Variants in NOL11 observed in about 807,000 individuals in gnomAD.
The protein encoded by NOL11 is nucleolar protein 11.
NOL11 carries 42 observed loss-of-function variants against 93.0 expected under a neutral mutation model. The ratio of observed to expected loss-of-function variants is 0.45; its 90% CI spans 0.35 to 0.58. NOL11 has a LOEUF of 0.58. Ranked by LOEUF, NOL11 falls within the 20% of genes least tolerant of loss-of-function variation. NOL11 has a pLI of 0.00. For missense variants in NOL11, 775 were observed against 841.8 expected, an observed-to-expected ratio of 0.92 and a Z score of 0.98; for synonymous variants, 296 against 293.7, an observed-to-expected ratio of 1.01 and a Z score of -0.08.
intron 7 of NOL11, among the ~76,000 whole-genome samples, chr17:67,731,278 T>C (rs1296279519): frequency 1.3e-4 from 3 of 23,276 alleles, no homozygotes; most frequent in South Asian, 1.9e-3. Flanking sequence ...TTTTTTTTTT[T>C]TTTGAGACGG....
chr17:67,722,533 CTGG>C, intron 4 of NOL11, 44 bp from the exon 5 acceptor site: 3 of 1,546,824 alleles, frequency 1.9e-6, no homozygotes, highest in Non-Finnish European at 2.6e-6. Flanking sequence ...TGTCTCCCAG[CTGG>C]TGATTTTTGC....
In NOL11 at chr17:67,722,725, C is replaced by A. The variant is rs994531920; in HGVS notation, c.519+88C>A. On this transcript the variant is annotated intron_variant, in intron 5 of 17. Transcript: ENST00000253247. ...TTAGAGACAGGGTGTTGCCCTGTCA[C>A]CCAGGCTTGAGAGCAGTGGTGCCAC... The A allele has an allele frequency of 1.1e-4, 151 of 1,432,310 alleles. 1 individual carries two copies. Among genetic ancestry groups the A allele is most frequent in the Non-Finnish European group, 1.4e-4 (150 of 1,090,526 alleles). The allele number at this position is 1,432,310 out of a possible 1,614,324, so 88.7% of individuals were successfully genotyped here.
At chr17:67,727,723 G>C (rs1462123589) in intron 7 of NOL11, among the ~76,000 whole-genome samples, 1 of 151,992 alleles carries the variant, frequency 6.6e-6, no homozygotes, top group Non-Finnish European at 1.5e-5. Flanking sequence ...CAGCACCTGG[G>C]GAGGCTGAGA....
chr17:67,742,160 GT>G (rs2055262572), intron 16 of NOL11, among the ~76,000 whole-genome samples: 1 of 152,182 alleles, frequency 6.6e-6, no homozygotes, highest in Admixed American at 6.5e-5. Context: ...CTGAAGAGTT[GT>G]GACAACTACC....
intron 7 of NOL11, among the ~76,000 whole-genome samples, chr17:67,730,090 A>G (rs565527103): frequency 6.6e-6 from 1 of 152,240 alleles, no homozygotes; most frequent in South Asian, 2.1e-4. Flanking sequence ...TCAGTGTTTC[A>G]TTCCTTTTCA....
At chr17:67,727,202 CTG>C (rs2055103901) in intron 7 of NOL11, among the ~76,000 whole-genome samples, 1 of 152,236 alleles carries the variant, frequency 6.6e-6, no homozygotes, top group Admixed American at 6.5e-5. Context: ...AACTCAGACT[CTG>C]TCGTTTAGCA....
chr17:67,738,296 C>A lies in NOL11; in HGVS notation c.1704C>A (p.Pro568=), dbSNP rs776254206. 1 of 1,613,932 alleles carries A rather than the reference C, an allele frequency of 6.2e-7. No homozygotes were observed. Among genetic ancestry groups the A allele is most frequent in the East Asian group, 2.2e-5 (1 of 44,866 alleles). ...GTGATCAAGAGTTAAATAAAAAGCC[C>A]CAGGACGAAACAAAGGAGAGCACTT... ...NNCDQELNKK[P]QDETKESTSC... Residue 568 remains proline, a synonymous_variant, in exon 14 of 18, where the codon CCC becomes CCA. Transcript: ENST00000253247.
chr17:67,718,317 G>T (rs1343203638), intron 1 of NOL11, among the ~76,000 whole-genome samples: 2 of 152,184 alleles, frequency 1.3e-5, no homozygotes, highest in African/African-American at 4.8e-5. Flanking sequence ...GTGCACGTGG[G>T]TTAGACTCGG....
At chr17:67,732,276 G>GT (rs2055160679) in intron 7 of NOL11, among the ~76,000 whole-genome samples, 1 of 152,052 alleles carries the variant, frequency 6.6e-6, no homozygotes, top group Non-Finnish European at 1.5e-5. Flanking sequence ...AAGGTCAGGA[G>GT]TTTGAGACCA....
chr17:67,724,089 G>A lies in NOL11; in HGVS notation c.560G>A (p.Arg187His), dbSNP rs781381476. Residue 187 changes from arginine (R) to histidine (H), a missense_variant, in exon 6 of 18, where the codon CGT becomes CAT. Physicochemically the swap from Arg to His is conservative, Grantham distance 29. Around this residue, in one of 2 missense-constraint regions of NOL11, gnomAD observed 359 missense variants for 316.5 expected, o/e 1.13. Coordinates refer to ENST00000253247, the MANE Select transcript of NOL11 (RefSeq NM_015462.5). ...GCTTACGTGCAAATGTTTAACTCAC[G>A]TATCTTAACCAAATATACACTCTTA... is the stretch of plus-strand genomic sequence containing the variant. The part of the protein sequence containing the change: ...YFAYVQMFNS[R>H]ILTKYTLLLG... 5.7e-6 allele frequency: 9 copies of A among 1,578,012 alleles called. No individual in the cohort carries two copies. The highest frequency in any genetic ancestry group is 1.9e-4 in the Middle Eastern group (1 of 5,384).
chr17:67,725,017 C>T (rs2055077097), intron 6 of NOL11, among the ~76,000 whole-genome samples: 1 of 152,154 alleles, frequency 6.6e-6, no homozygotes, highest in Non-Finnish European at 1.5e-5. Context: ...GAGATCGTGC[C>T]AGTACACTGC....
intron 7 of NOL11, among the ~76,000 whole-genome samples, chr17:67,733,049 G>A (rs117443230): frequency 0.046 from 6,947 of 152,056 alleles, 251 homozygotes; most frequent in Non-Finnish European, 0.066. Flanking sequence ...TGTGAGTAGA[G>A]TTAGTTTTAC....
intron 7 of NOL11, among the ~76,000 whole-genome samples, chr17:67,730,383 TCCA>T: frequency 6.6e-6 from 1 of 152,244 alleles, no homozygotes; most frequent in East Asian, 1.9e-4. Context: ...GTCTCAGCTT[TCCA>T]AGTAGCTGGG....
intron 1 of NOL11, 65 bp downstream of exon 1, chr17:67,718,153 A>G: frequency 1.9e-6 from 3 of 1,580,268 alleles, no homozygotes; most frequent in Admixed American, 1.8e-5. Context: ...GCGGAGCTCG[A>G]GCTCAAGTTT....
At chr17:67,737,795 C>A in intron 12 of NOL11, 52 bp from the exon 13 acceptor site, 1 of 1,585,484 alleles carries the variant, frequency 6.3e-7, no homozygotes, top group South Asian at 1.2e-5. Flanking sequence ...AAATGTTCTG[C>A]AGTTGAGAAT....
chr17:67,736,443 C>A (rs1010133491), intron 9 of NOL11: 3 of 508,732 alleles, frequency 5.9e-6, no homozygotes, highest in Non-Finnish European at 1.0e-5. Flanking sequence ...TACCTCTGCC[C>A]TCCCTTGTTT....
chr17:67,735,803 A>T, intron 8 of NOL11, 97 bp from the exon 9 acceptor site: 1 of 823,866 alleles, frequency 1.2e-6, no homozygotes, highest in Non-Finnish European at 1.8e-6. Flanking sequence ...CCTCGTTTTT[A>T]ATACTGAGCA....
intron 7 of NOL11, 147 bp from the exon 8 acceptor site, chr17:67,734,216 C>A: frequency 1.7e-6 from 1 of 592,124 alleles, no homozygotes; most frequent in Non-Finnish European, 3.0e-6. Flanking sequence ...GCTCTCATTT[C>A]TTCCAGTTCC....
intron 3 of NOL11, among the ~76,000 whole-genome samples, chr17:67,720,680 C>T (rs901923028): frequency 1.3e-5 from 2 of 152,206 alleles, no homozygotes; most frequent in Admixed American, 6.5e-5. Flanking sequence ...GCATGTTCTA[C>T]TGATGACCTA....
Sources: allele counts gnomAD v4.1 joint callset (sites outside exome capture counted in the v4.1 genomes callset), GRCh38; gene constraint gnomAD v4.1.1; regional missense constraint gnomAD v4.1.1; transcripts MANE v1.5; gene names NCBI Gene and HGNC (gene_info 2026-07-23, HGNC 2026-07-21).